The following CFAP54 variants were observed in gnomAD, a reference collection of about 807,000 sequenced individuals.
The protein encoded by CFAP54 is cilia and flagella associated protein 54, also known as cilia- and flagella-associated protein 54.
A neutral mutation model predicts 370.4 loss-of-function variants in CFAP54; 290 were observed. The observed-to-expected ratio is 0.78, with a 90% CI of 0.71 to 0.86. The LOEUF (loss-of-function observed/expected upper bound fraction) is 0.86, where lower values mean the gene tolerates loss of function less well. Ranked by LOEUF, CFAP54 falls within the 40% of genes least tolerant of loss-of-function variation. The pLI, the probability that CFAP54 is intolerant of heterozygous loss-of-function variation, is 0.00. For synonymous variants in CFAP54, 1,206 were observed against 1,236.5 expected, an observed-to-expected ratio of 0.98 and a Z score of 0.52; for missense variants, 3,399 against 3,528.7, an observed-to-expected ratio of 0.96 and a Z score of 0.93.
intron 67 of CFAP54, among the ~76,000 whole-genome samples, chr12:96,866,431 A>C (rs2136468402): frequency 6.6e-6 from 1 of 152,264 alleles, no homozygotes; most frequent in South Asian, 2.1e-4. Context: ...TCAACTATTC[A>C]AAATTAATTG....
rs113658456 is a variant in CFAP54, at chr12:96,806,651, A to G, written c.8851-5085A>G. 5.7e-3 allele frequency among the ~76,000 whole-genome samples: 864 copies of G among 152,232 alleles called. 10 individuals carry two copies. The highest frequency in any genetic ancestry group is 0.019 in the African/African-American group (769 of 41,542). On this transcript the variant is annotated intron_variant, in intron 63 of 67. Coordinates refer to ENST00000524981, the MANE Select transcript of CFAP54 (RefSeq NM_001306084.2). ...AAGTCATAATAAAAGCAGAAGCCCA[A>G]TGATCAACTTAGATGTTGGAAGTGC...
At chr12:96,614,863 A>G (rs553157829) in intron 26 of CFAP54, among the ~76,000 whole-genome samples, 13,388 of 152,224 alleles carry the variant, frequency 0.088, 755 homozygotes, top group Middle Eastern at 0.14. Context: ...ATAAAAGAGG[A>G]CACAAACAAA....
At position 96,826,412 on chromosome 12, in the gene CFAP54, C is replaced by T. The variant is rs534518478; in HGVS notation, c.9097-2602C>T. Reference sequence around the variant, plus strand: ...TTATATATATATTCAATATATATAACAAACATATATAATATATAATATATA... The same window carrying T: ...TTATATATATATTCAATATATATAATAAACATATATAATATATAATATATA... On this transcript the variant is annotated intron_variant, in intron 65 of 67. Coordinates refer to ENST00000524981, the MANE Select transcript of CFAP54 (RefSeq NM_001306084.2). Among the ~76,000 whole-genome samples the T allele has an allele frequency of 4.3e-3, 529 of 123,698 alleles. 8 individuals are homozygous for T. Among genetic ancestry groups the T allele is most frequent in the African/African-American group, 0.016 (512 of 32,594 alleles). 81.2% of individuals were successfully genotyped at this position (123,698 alleles called of 152,430 possible). A position where few individuals can be genotyped will look rare whatever the true frequency, so the allele number is the denominator to read the frequency against.
At chr12:96,606,400 C>A (rs1046750862) in intron 26 of CFAP54, among the ~76,000 whole-genome samples, 1 of 152,168 alleles carries the variant, frequency 6.6e-6, no homozygotes, top group Admixed American at 6.5e-5. Context: ...TAGCCATAGT[C>A]GTGCTTAGCA....
chr12:96,597,123 A>T (rs1956188445), intron 25 of CFAP54, among the ~76,000 whole-genome samples: 1 of 152,136 alleles, frequency 6.6e-6, no homozygotes, highest in African/African-American at 2.4e-5. Flanking sequence ...AAGCAAGATT[A>T]AAAACAAATA....
Position 96,652,378 on chromosome 12 carries a change from T to C in CFAP54, c.5100+563T>C, listed in dbSNP as rs80235503. Among the ~76,000 whole-genome samples the C allele has an allele frequency of 7.7e-3, 1,176 of 152,298 alleles. 12 individuals carry two copies. Among genetic ancestry groups the C allele is most frequent in the Middle Eastern group, 0.02 (6 of 294 alleles). On this transcript the variant is annotated intron_variant, in intron 36 of 67. Transcript: ENST00000524981. ...ATTTCTAGAGGAAAATATTTGGCAA[T>C]GGCAGAAAAGACAAAGAGGGTAAAT...
At chr12:96,614,550 A>C (rs1417842241) in intron 26 of CFAP54, among the ~76,000 whole-genome samples, 4 of 152,314 alleles carry the variant, frequency 2.6e-5, no homozygotes, top group East Asian at 3.9e-4. Context: ...AGGGTATTCA[A>C]TTAGGAAAAG....
Position 96,518,943 on chromosome 12 carries a change from C to T in CFAP54, c.814C>T (p.Leu272=). Residue 272 remains leucine, a synonymous_variant, in exon 6 of 68, where the codon CTG becomes TTG. Coordinates refer to ENST00000524981, the MANE Select transcript of CFAP54 (RefSeq NM_001306084.2). ...TATTTTGCAGGCCTTAGAGTATCTC[C>T]TGTGGGCCAGCATGTGTATGGAGTC... The part of the protein sequence containing the change: ...GQSSKALEYL[L]WASMCMESLV... 6.5e-7 allele frequency: 1 copy of T among 1,535,400 alleles called. No individual in the cohort carries two copies. The highest frequency in any genetic ancestry group is 8.7e-7 in the Non-Finnish European group (1 of 1,146,474).
intron 65 of CFAP54, among the ~76,000 whole-genome samples, chr12:96,823,442 T>A (rs1959055172): frequency 6.6e-6 from 1 of 152,186 alleles, no homozygotes; most frequent in Non-Finnish European, 1.5e-5. Flanking sequence ...TGGAGAAAAC[T>A]CATTCCAGAC....
intron 1 of CFAP54, among the ~76,000 whole-genome samples, chr12:96,497,424 T>A (rs1468043529): frequency 3.3e-5 from 5 of 152,082 alleles, no homozygotes; most frequent in Non-Finnish European, 5.9e-5. Flanking sequence ...GTGACATTGG[T>A]GAAAGAATAG....
At chr12:96,815,187 C>T (rs1281461277) in intron 64 of CFAP54, among the ~76,000 whole-genome samples, 1 of 152,152 alleles carries the variant, frequency 6.6e-6, no homozygotes, top group Non-Finnish European at 1.5e-5. Flanking sequence ...TAAAAGTGTT[C>T]CTGTTTTTCC....
intron 9 of CFAP54, 137 bp downstream of exon 9, chr12:96,527,581 T>C: frequency 1.7e-6 from 1 of 585,880 alleles, no homozygotes; most frequent in Non-Finnish European, 2.7e-6. Flanking sequence ...GTTTGTTTGT[T>C]TTTGAGATAA....
chr12:96,678,577 T>C (rs1461595669), intron 39 of CFAP54, among the ~76,000 whole-genome samples: 1 of 152,196 alleles, frequency 6.6e-6, no homozygotes, highest in African/African-American at 2.4e-5. Flanking sequence ...TTATTCTAAC[T>C]ATCTAGAGCC....
intron 66 of CFAP54, among the ~76,000 whole-genome samples, chr12:96,835,253 G>A (rs996245226): frequency 6.6e-6 from 1 of 152,058 alleles, no homozygotes; most frequent in Non-Finnish European, 1.5e-5. Flanking sequence ...TAATCCTGAC[G>A]TCTCCTGCTA....
chr12:96,651,926 A>C, intron 36 of CFAP54, 111 bp downstream of exon 36: 1 of 698,056 alleles, frequency 1.4e-6, no homozygotes. Flanking sequence ...TGGTTTGTCT[A>C]CATTTCATTT....
chr12:96,824,272 T>C (rs1959062942), intron 65 of CFAP54, among the ~76,000 whole-genome samples: 1 of 152,080 alleles, frequency 6.6e-6, no homozygotes. Context: ...TTTCAGAACA[T>C]GTGTATGCGG....
chr12:96,664,794 TATATATATATATATATATAG>T (rs1565934576), intron 39 of CFAP54, among the ~76,000 whole-genome samples: 9 of 36,508 alleles, frequency 2.5e-4, no homozygotes, highest in African/African-American at 4.2e-4. Context: ...TATATATATA[TATATATATATATATATATAG>T]ATATATATAT....
At chr12:96,700,919 C>G (rs981968265) in intron 46 of CFAP54, among the ~76,000 whole-genome samples, 1 of 152,094 alleles carries the variant, frequency 6.6e-6, no homozygotes, top group African/African-American at 2.4e-5. Flanking sequence ...CTAAAGCAAC[C>G]TGGAGAATGA....
At chr12:96,515,929 T>TTG (rs1426950384) in intron 5 of CFAP54, among the ~76,000 whole-genome samples, 1 of 140,318 alleles carries the variant, frequency 7.1e-6, no homozygotes, top group African/African-American at 2.7e-5. Context: ...TTTTTTTTTT[T>TTG]TTTTGATATG....
Sources: allele counts gnomAD v4.1 joint callset (sites outside exome capture counted in the v4.1 genomes callset), GRCh38; gene constraint gnomAD v4.1.1; transcripts MANE v1.5; gene names NCBI Gene and HGNC (gene_info 2026-07-23, HGNC 2026-07-21).